The following MAPK10 variants were observed in gnomAD, a reference collection of about 807,000 sequenced individuals.
MAPK10 encodes the protein JNK3 alpha protein kinase.
MAPK10 carries 25 observed loss-of-function variants against 59.3 expected under a neutral mutation model. The observed-to-expected ratio is 0.42, with a 90% CI of 0.31 to 0.59. MAPK10 has a LOEUF of 0.59. MAPK10 is among the 20% of genes least tolerant of loss of function. The probability of loss-of-function intolerance (pLI) is 0.15; values close to 1 mark genes in which losing one functional copy is unlikely to be tolerated. For missense variants in MAPK10, 351 were observed against 568.9 expected (o/e 0.62, Z 3.90); for synonymous variants, 190 against 200.5 (o/e 0.95, Z 0.44).
At chr4:86,482,213 G>A (rs904756468) in intron 1 of MAPK10, among the ~76,000 whole-genome samples, 3 of 152,062 alleles carry the variant, frequency 2.0e-5, no homozygotes, top group Non-Finnish European at 4.4e-5. Flanking sequence ...CATTTGTAGG[G>A]GAACAGGACA....
chr4:86,534,101 A>G (rs1338984356), intron 1 of MAPK10, among the ~76,000 whole-genome samples: 1 of 152,018 alleles, frequency 6.6e-6, no homozygotes, highest in Non-Finnish European at 1.5e-5. Flanking sequence ...TCCCCACCAC[A>G]TAATGTTTCC....
At chr4:86,370,081 G>A (rs568884583) in intron 1 of MAPK10, among the ~76,000 whole-genome samples, 7 of 152,138 alleles carry the variant, frequency 4.6e-5, no homozygotes, top group Admixed American at 1.3e-4. Flanking sequence ...CTGACATAAC[G>A]TTGTAAGCTA....
chr4:86,365,858 G>T (rs1218775237), intron 1 of MAPK10, among the ~76,000 whole-genome samples: 2 of 146,502 alleles, frequency 1.4e-5, no homozygotes, highest in African/African-American at 5.1e-5. Context: ...AATCATAAGA[G>T]TTTTTGAAGG....
intron 1 of MAPK10, among the ~76,000 whole-genome samples, chr4:86,375,670 A>G (rs1353074389): frequency 7.5e-6 from 1 of 133,998 alleles, no homozygotes; most frequent in East Asian, 2.4e-4. Flanking sequence ...AGCCATGAGC[A>G]TTCCACTGCA....
intron 4 of MAPK10, 120 bp from the exon 5 acceptor site, chr4:86,107,472 C>G: frequency 1.4e-6 from 2 of 1,400,398 alleles, no homozygotes; most frequent in South Asian, 3.5e-5. Flanking sequence ...ACTGTCTACT[C>G]TGGTCACATG....
intron 2 of MAPK10, among the ~76,000 whole-genome samples, chr4:86,249,574 G>A (rs935689406): frequency 2.0e-5 from 3 of 152,122 alleles, no homozygotes; most frequent in African/African-American, 7.2e-5. Context: ...TATAATGTAA[G>A]AAGGCAGGAG....
At chr4:86,292,822 G>A (rs2148824510) in intron 2 of MAPK10, among the ~76,000 whole-genome samples, 1 of 152,280 alleles carries the variant, frequency 6.6e-6, no homozygotes, top group African/African-American at 2.4e-5. Flanking sequence ...GAGTATGGGA[G>A]GGCCAATTAA....
rs1278631181 is a variant in MAPK10, at chr4:86,310,503, G to A, written c.-7+44027C>T. On this transcript the variant is annotated intron_variant, in intron 2 of 13. Coordinates refer to ENST00000641462, the MANE Select transcript of MAPK10 (RefSeq NM_138982.4). The stretch of plus-strand genomic sequence containing the variant: ...CAAGTAATATACGACTGAATGACTT[G>A]ATGAAGTGTGAAGGTTTCTGATCAA... Among the ~76,000 whole-genome samples the A allele has an allele frequency of 2.0e-5, 3 of 152,248 alleles. No individual in the cohort carries two copies. In the East Asian group the frequency reaches 5.8e-4, roughly 29 times the overall value.
At position 86,586,845 on chromosome 4, in the gene MAPK10, A is replaced by G. The variant is rs1423727668; in HGVS notation, c.-263+7065T>C. 3.9e-5 allele frequency among the ~76,000 whole-genome samples: 6 copies of G among 152,242 alleles called. No individual in the cohort carries two copies. The East Asian group carries it at 1.2e-3, about 29-fold the overall frequency. ...ATATACAAAAGAAGTTCATTTGCAA[A>G]GAAAAGTGGAAGTTACAGGAGCACC... is the stretch of plus-strand genomic sequence containing the variant. On this transcript the variant is annotated intron_variant, in intron 1 of 4. Transcript: ENST00000502302.
chr4:86,105,001 C>T (rs1022968162), intron 5 of MAPK10, among the ~76,000 whole-genome samples: 1 of 152,038 alleles, frequency 6.6e-6, no homozygotes, highest in African/African-American at 2.4e-5. Context: ...TTTATTCCAG[C>T]ATCTTGAGAC....
At chr4:86,079,103 G>A (rs1374941877) in intron 9 of MAPK10, among the ~76,000 whole-genome samples, 1 of 152,118 alleles carries the variant, frequency 6.6e-6, no homozygotes, top group African/African-American at 2.4e-5. Flanking sequence ...ATATGAATAA[G>A]TGACTTAATA....
intron 1 of MAPK10, among the ~76,000 whole-genome samples, chr4:86,375,690 G>C (rs1478998637): frequency 1.7e-5 from 2 of 117,934 alleles, no homozygotes; most frequent in Non-Finnish European, 3.2e-5. Context: ...ACTCCAGCTA[G>C]GGTGACAGAG....
intron 5 of MAPK10, among the ~76,000 whole-genome samples, chr4:86,104,077 T>G (rs989354622): frequency 1.5e-4 from 23 of 152,048 alleles, no homozygotes; most frequent in Admixed American, 1.4e-3. Flanking sequence ...AAGTACAAGG[T>G]CAAGATTTAA....
chr4:86,143,771 T>C (rs550395126), intron 4 of MAPK10, among the ~76,000 whole-genome samples: 13 of 152,328 alleles, frequency 8.5e-5, no homozygotes, highest in Admixed American at 6.5e-4. Flanking sequence ...CTCAAGGAAA[T>C]CATTGCATAT....
chr4:86,144,997 A>AC (rs397949292), intron 4 of MAPK10, among the ~76,000 whole-genome samples: 10 of 152,044 alleles, frequency 6.6e-5, no homozygotes, highest in Admixed American at 1.3e-4. Flanking sequence ...ACCAAAAAAA[A>AC]CCCAAAAAAA....
At chr4:86,025,211 G>T in intron 13 of MAPK10, 1 of 271,992 alleles carries the variant, frequency 3.7e-6, no homozygotes, top group Non-Finnish European at 6.8e-6. Context: ...CACAGGAATT[G>T]TTAAGTGCTA....
At chr4:86,075,267 G>C (rs2049040893) in intron 9 of MAPK10, among the ~76,000 whole-genome samples, 1 of 151,908 alleles carries the variant, frequency 6.6e-6, no homozygotes, top group Non-Finnish European at 1.5e-5. Flanking sequence ...GCACTTCTCT[G>C]TATTGGTTAT....
intron 4 of MAPK10, among the ~76,000 whole-genome samples, chr4:86,143,262 T>A (rs1168128967): frequency 6.6e-6 from 1 of 152,136 alleles, no homozygotes; most frequent in African/African-American, 2.4e-5. Flanking sequence ...GGTCCCACCC[T>A]TGACATGTGG....
intron 1 of MAPK10, among the ~76,000 whole-genome samples, chr4:86,482,378 T>C (rs1753674948): frequency 6.6e-6 from 1 of 152,196 alleles, no homozygotes; most frequent in African/African-American, 2.4e-5. Flanking sequence ...ACATAAATCT[T>C]GCTTGTAGAA....
Sources: allele counts gnomAD v4.1 joint callset (sites outside exome capture counted in the v4.1 genomes callset), GRCh38; gene constraint gnomAD v4.1.1; transcripts MANE v1.5; gene names NCBI Gene and HGNC (gene_info 2026-07-23, HGNC 2026-07-21).